Variants in ADCY5 observed in about 807,000 individuals in gnomAD.
ADCY5 encodes adenylate cyclase type 5.
In ADCY5, 30 loss-of-function variants were observed where a neutral mutation model predicts 119.7. The observed-to-expected ratio is 0.25, with a 90% CI of 0.19 to 0.34. The LOEUF (loss-of-function observed/expected upper bound fraction) is 0.34. Among genes scored for constraint, ADCY5 ranks in the 10% least tolerant of loss-of-function variants. The pLI is 1.00. For synonymous variants in ADCY5, 753 were observed against 762.2 expected, an observed-to-expected ratio of 0.99 and a Z score of 0.20; for missense variants, 1,324 against 1,775.2, an observed-to-expected ratio of 0.75 and a Z score of 4.57.
intron 1 of ADCY5, among the ~76,000 whole-genome samples, chr3:123,392,697 C>T (rs1404015347): frequency 3.9e-5 from 6 of 152,052 alleles, no homozygotes; most frequent in African/African-American, 1.4e-4. Flanking sequence ...TCTCTTTCTC[C>T]AACTTTCTGT....
intron 12 of ADCY5, among the ~76,000 whole-genome samples, chr3:123,305,967 C>A (rs892508722): frequency 1.3e-5 from 2 of 152,202 alleles, no homozygotes; most frequent in Admixed American, 6.5e-5. Context: ...GGACTACAGG[C>A]TGAAAGATGA....
At chr3:123,394,408 A>G (rs1944484919) in intron 1 of ADCY5, among the ~76,000 whole-genome samples, 1 of 152,188 alleles carries the variant, frequency 6.6e-6, no homozygotes, top group African/African-American at 2.4e-5. Flanking sequence ...GCGGGGAAAT[A>G]GCCAAAAAGG....
intron 11 of ADCY5, among the ~76,000 whole-genome samples, chr3:123,314,758 G>A (rs1303702267): frequency 6.6e-6 from 1 of 152,194 alleles, no homozygotes; most frequent in Non-Finnish European, 1.5e-5. Flanking sequence ...AACTGTGAAG[G>A]CTGAAAACTG....
chr3:123,417,439 G>A (rs149462025), intron 1 of ADCY5, among the ~76,000 whole-genome samples: 1 of 152,258 alleles, frequency 6.6e-6, no homozygotes, highest in African/African-American at 2.4e-5. Flanking sequence ...TCCCCAGAGA[G>A]AACATTACCT....
intron 1 of ADCY5, among the ~76,000 whole-genome samples, chr3:123,409,372 G>C (rs1944986798): frequency 2.0e-5 from 3 of 152,186 alleles, no homozygotes; most frequent in Admixed American, 1.3e-4. Flanking sequence ...AAACCAGGTA[G>C]CATGTGGGGA....
intron 7 of ADCY5, among the ~76,000 whole-genome samples, chr3:123,325,999 G>C (rs987674542): frequency 4.6e-5 from 7 of 152,212 alleles, no homozygotes; most frequent in African/African-American, 1.7e-4. Context: ...ATCAGGCTTT[G>C]CTCATGGGCA....
intron 2 of ADCY5, 133 bp from the exon 3 acceptor site, chr3:123,348,036 A>AGT (rs59441110): frequency 0.24 from 107,680 of 458,180 alleles, 3,723 homozygotes; most frequent in East Asian, 0.36. Flanking sequence ...CTGGGTTAAC[A>AGT]GTGTGTGTGT....
At chr3:123,407,460 T>C (rs773745766) in intron 1 of ADCY5, among the ~76,000 whole-genome samples, 4 of 151,944 alleles carry the variant, frequency 2.6e-5, no homozygotes, top group Non-Finnish European at 5.9e-5. Flanking sequence ...CTGAAAAATA[T>C]TTTGCAAATG....
intron 3 of ADCY5, among the ~76,000 whole-genome samples, chr3:123,345,769 G>GACAGACAGACACACACACACACACAC (rs57198270): frequency 1.9e-3 from 220 of 113,818 alleles, no homozygotes; most frequent in East Asian, 0.016. Context: ...CAGACAGACA[G>GACAGACAGACACACACACACACACAC]ACACACACAC....
chr3:123,368,036 C>A, intron 1 of ADCY5: 3 of 1,472,716 alleles, frequency 2.0e-6, no homozygotes, highest in South Asian at 1.3e-5. Flanking sequence ...TCCAGGGGCC[C>A]CAGAGATTGC....
chr3:123,319,673 CCTT>C lies in ADCY5; in HGVS notation c.2254_2256del (p.Lys752del), dbSNP rs760757399. The C allele has an allele frequency of 1.9e-6, 3 of 1,614,116 alleles. No individual in the cohort carries two copies. Among genetic ancestry groups the C allele is most frequent in the Non-Finnish European group, 2.5e-6 (3 of 1,179,990 alleles). On this transcript the variant is annotated inframe_deletion and splice_region_variant, in exon 10 of 21. Transcript: ENST00000462833. ...CCTCCTTCCCACCCAGGGTGCTGTA[CCTT>C]CTTCTCTAAGTCAGGCTCCCTGAAG...
At chr3:123,340,172 G>T (rs1360183183) in intron 3 of ADCY5, among the ~76,000 whole-genome samples, 2 of 151,958 alleles carry the variant, frequency 1.3e-5, no homozygotes, top group African/African-American at 4.8e-5. Context: ...GGCACCTGGG[G>T]TCCGAGTTAC....
chr3:123,439,154 G>A (rs1336648296), intron 1 of ADCY5, among the ~76,000 whole-genome samples: 6 of 143,196 alleles, frequency 4.2e-5, no homozygotes, highest in East Asian at 2.1e-4. Context: ...TGCAAGCTCC[G>A]CCTCCTGGGT....
chr3:123,403,874 A>G (rs1387784838), intron 1 of ADCY5, among the ~76,000 whole-genome samples: 2 of 152,094 alleles, frequency 1.3e-5, no homozygotes, highest in African/African-American at 2.4e-5. Flanking sequence ...TCTGGAATCC[A>G]TATCCATCCT....
rs377309404 is a variant in ADCY5 at position 123,286,697 on chromosome 3, G to T, written c.3645C>A (p.Pro1215=). The part of the protein sequence containing the change: ...VASRMDSTGV[P]DRIQVTTDMY... The stretch of plus-strand genomic sequence containing the variant: ...CTCCTGCACTCACCTGGATGCGGTC[G>T]GGTACACCGGTGCTGTCCATGCGGC... The change falls in exon 20 of 21, where the codon CCC becomes CCA. Residue 1215 remains proline (P), a synonymous_variant. Coordinates refer to ENST00000462833, the MANE Select transcript of ADCY5 (RefSeq NM_183357.3). This position sits in a 1 kb window ranked among gnomAD's most constrained non-coding sequence, Gnocchi z 4.2. The T allele has an allele frequency of 6.2e-7, 1 of 1,611,724 alleles. No homozygotes were observed. The highest frequency in any genetic ancestry group is 8.5e-7 in the Non-Finnish European group (1 of 1,178,958).
At chr3:123,321,781 T>G (rs1209148975) in intron 8 of ADCY5, among the ~76,000 whole-genome samples, 1 of 152,188 alleles carries the variant, frequency 6.6e-6, no homozygotes, top group African/African-American at 2.4e-5. Flanking sequence ...TTCCTCTCCA[T>G]GAGCCAGGGC....
Position 123,291,347 on chromosome 3 carries a change from C to G in ADCY5, c.3093G>C (p.Glu1031Asp). The G allele has an allele frequency of 6.2e-7, 1 of 1,613,438 alleles. No individual in the cohort carries two copies. The highest frequency in any genetic ancestry group is 8.5e-7 in the Non-Finnish European group (1 of 1,179,610). The stretch of plus-strand genomic sequence containing the variant: ...GCAGCCGCCGGTTGTAGGCCTGCAG[C>G]TCCTCCATCTCCTCTTTCTCCTCTG... ...QATEEKEEME[E>D]LQAYNRRLLH... is the part of the protein sequence containing the mutation. Residue 1031 changes from glutamate (E) to aspartate (D), a missense_variant, in exon 18 of 21, where the codon GAG becomes GAC. Physicochemically the swap from Glu to Asp is conservative, Grantham distance 45 (BLOSUM62 2). Coordinates refer to ENST00000462833, the MANE Select transcript of ADCY5 (RefSeq NM_183357.3).
At chr3:123,381,448 AACTCTAC>A (rs547135156) in intron 1 of ADCY5, among the ~76,000 whole-genome samples, 13 of 152,340 alleles carry the variant, frequency 8.5e-5, no homozygotes, top group Non-Finnish European at 1.9e-4. Flanking sequence ...GGCAGGTGCC[AACTCTAC>A]ACTTGCACGA....
At chr3:123,298,929 T>G (rs1939677440) in intron 15 of ADCY5, among the ~76,000 whole-genome samples, 1 of 150,822 alleles carries the variant, frequency 6.6e-6, no homozygotes, top group Non-Finnish European at 1.5e-5. Context: ...ATCTTACTAC[T>G]ATGGGCGTTG....
Sources: allele counts gnomAD v4.1 joint callset (sites outside exome capture counted in the v4.1 genomes callset), GRCh38; gene constraint gnomAD v4.1.1; non-coding constraint Gnocchi (gnomAD v3.1); transcripts MANE v1.5; gene names NCBI Gene and HGNC (gene_info 2026-07-23, HGNC 2026-07-21).